The following VWF variants were observed in gnomAD, a reference collection of about 807,000 sequenced individuals.
The protein encoded by VWF is Factor VIII related antigen.
VWF carries 176 observed loss-of-function variants against 308.6 expected under a neutral mutation model. That is an observed-to-expected ratio of 0.57 (90% CI 0.50 to 0.65). The LOEUF (loss-of-function observed/expected upper bound fraction) is 0.65, where lower values mean the gene tolerates loss of function less well. VWF is among the 30% of genes least tolerant of loss of function. The pLI is 0.00. For missense variants in VWF, 3,146 were observed against 3,648.2 expected, an observed-to-expected ratio of 0.86 and a Z score of 3.55; for synonymous variants, 1,385 against 1,443.4, an observed-to-expected ratio of 0.96 and a Z score of 0.92.
At chr12:6,103,931 C>G (rs1945211983) in intron 5 of VWF, among the ~76,000 whole-genome samples, 1 of 152,090 alleles carries the variant, frequency 6.6e-6, no homozygotes, top group African/African-American at 2.4e-5. Context: ...CTTCATTAAA[C>G]TAAAAATCTT....
intron 34 of VWF, among the ~76,000 whole-genome samples, chr12:6,000,996 T>C (rs1943867330): frequency 6.6e-6 from 1 of 152,006 alleles, no homozygotes; most frequent in African/African-American, 2.4e-5. Flanking sequence ...GTAGAAATAA[T>C]AGAACTCGAC....
chr12:5,962,543 T>TTTC lies in VWF; in HGVS notation c.7887+4942_7887+4943insGAA, dbSNP rs1334102967. On this transcript the variant is annotated intron_variant, in intron 47 of 51. Transcript: ENST00000261405. ...CCATACATACACAGGCAATTCTTTT[T>TTTC]TTTTTTTTTTTTTTTTTTGAGACAG... 2.3e-5 allele frequency among the ~76,000 whole-genome samples: 3 copies of TTTC among 128,420 alleles called. No individual in the cohort carries two copies. The East Asian group carries it at 6.5e-4, about 28-fold the overall frequency. 84.2% of individuals were successfully genotyped at this position (128,420 alleles called of 152,430 possible).
Position 5,994,322 on chromosome 12 carries a change from T to C in VWF, c.6256+93A>G. 1.9e-6 allele frequency: 3 copies of C among 1,594,784 alleles called. No homozygotes were observed. The South Asian group carries it at 3.3e-5, about 18-fold the overall frequency. On this transcript the variant is annotated intron_variant, in intron 36 of 51. Transcript: ENST00000261405. ...GAATCTGACCCTCGCTACTAGACCC[T>C]GAAATATAAGCATCCAAGAGCCTCA...
intron 31 of VWF, among the ~76,000 whole-genome samples, chr12:6,015,083 C>T (rs778107538): frequency 2.6e-5 from 4 of 152,158 alleles, no homozygotes; most frequent in East Asian, 1.9e-4. Flanking sequence ...CTTGTAAGTT[C>T]GTTATATTAT....
At chr12:6,011,938 C>T (rs1944000173) in intron 33 of VWF, 144 bp from the exon 34 acceptor site, 1 of 1,263,026 alleles carries the variant, frequency 7.9e-7, no homozygotes, top group Non-Finnish European at 1.2e-6. Flanking sequence ...GGAAGCAAAA[C>T]ACAAGATGTA....
chr12:6,105,251 C>T (rs796159477), intron 5 of VWF, among the ~76,000 whole-genome samples: 1 of 152,120 alleles, frequency 6.6e-6, no homozygotes, highest in African/African-American at 2.4e-5. Context: ...TTTTTTGAGA[C>T]AGAGTCTCGC....
chr12:5,958,407 G>A (rs1472514467), intron 47 of VWF, among the ~76,000 whole-genome samples: 1 of 152,142 alleles, frequency 6.6e-6, no homozygotes, highest in East Asian at 1.9e-4. Context: ...ACCAAACAAG[G>A]CCAGTGAGGT....
In VWF at chr12:6,020,142, T is replaced by A. The variant is rs1300539180; in HGVS notation, c.3675-399A>T. Among the ~76,000 whole-genome samples the A allele has an allele frequency of 6.6e-6, 1 of 152,250 alleles. No homozygotes were observed. The highest frequency in any genetic ancestry group is 1.5e-5 in the Non-Finnish European group (1 of 68,050). ...TACAAGTGTCTCCAAGAACAAATGT[T>A]ACTAAAATGTAGACGCTAACCTGTG... On this transcript the variant is annotated intron_variant, in intron 27 of 51. Transcript: ENST00000261405. The surrounding 1 kb of genome is among the most constrained non-coding windows in gnomAD (Gnocchi z 4.3).
intron 5 of VWF, among the ~76,000 whole-genome samples, chr12:6,109,419 A>C (rs1490969037): frequency 6.6e-6 from 1 of 152,190 alleles, no homozygotes; most frequent in African/African-American, 2.4e-5. Flanking sequence ...CAGACAATAA[A>C]ATCAGTGCTG....
intron 40 of VWF, 147 bp from the exon 41 acceptor site, chr12:5,983,401 G>GGATAGATAGATA (rs58264371): frequency 0.48 from 231,335 of 477,046 alleles, 57,696 homozygotes; most frequent in Admixed American, 0.53. Flanking sequence ...ACATGGGTTA[G>GGATAGATAGATA]GATAGATAGA....
At chr12:6,037,811 G>A (rs1313395368) in intron 18 of VWF, among the ~76,000 whole-genome samples, 2 of 152,040 alleles carry the variant, frequency 1.3e-5, no homozygotes, top group Non-Finnish European at 2.9e-5. Flanking sequence ...CCCAGGCCTG[G>A]AGCTGGACAA....
intron 47 of VWF, among the ~76,000 whole-genome samples, chr12:5,962,584 C>T (rs940300086): frequency 2.3e-4 from 30 of 128,968 alleles, no homozygotes; most frequent in Non-Finnish European, 4.3e-4. Flanking sequence ...CGCTCTGTCA[C>T]CAGGCTGGAG....
At position 6,016,906 on chromosome 12, in the gene VWF, C is replaced by A. The variant is rs201063539; in HGVS notation, c.5054-36G>T. ...AACCAGGAAGGTGAGCACACAGGTG[C>A]CAGCAGGGACAATGGCCACCAGGCC... On this transcript the variant is annotated intron_variant, in intron 28 of 51. Coordinates refer to ENST00000261405, the MANE Select transcript of VWF (RefSeq NM_000552.5). The A allele has an allele frequency of 6.6e-5, 106 of 1,604,278 alleles. 1 individual carries two copies. The Admixed American group carries it at 7.2e-4, about 11-fold the overall frequency.
In VWF at chr12:5,969,361, G is replaced by T. The variant is rs758376829; in HGVS notation, c.7579C>A (p.Pro2527Thr). The change falls in exon 45 of 52, where the codon CCC becomes ACC. Residue 2527 changes from proline (P) to threonine (T), a missense_variant. Pro to Thr is a conservative substitution (Grantham distance 38). This residue lies in a region of VWF where 989 missense variants were observed against 1,117.4 expected (regional missense o/e 0.89). Transcript: ENST00000261405. ...VGSQWASPEN[P>T]CLINECVRVK... ...CGGACACACTCATTGATGAGGCAGG[G>T]GTTCTCCGGGGAGGCCCACTGGGAG... 6.2e-7 allele frequency: 1 copy of T among 1,614,238 alleles called. No individual in the cohort carries two copies. The highest frequency in any genetic ancestry group is 2.2e-5 in the East Asian group (1 of 44,878).
chr12:6,012,271 G>A, intron 32 of VWF, 141 bp from the exon 33 acceptor site: 1 of 921,122 alleles, frequency 1.1e-6, no homozygotes, highest in African/African-American at 1.6e-5. Flanking sequence ...GTTAACAGTG[G>A]AGACATAGGG....
intron 47 of VWF, among the ~76,000 whole-genome samples, chr12:5,964,694 G>A (rs1943378831): frequency 6.6e-6 from 1 of 152,222 alleles, no homozygotes; most frequent in South Asian, 2.1e-4. Flanking sequence ...ATCAAGCCAT[G>A]AACTTGGCGT....
In VWF at chr12:5,964,172, T is replaced by A. The variant is rs544221739; in HGVS notation, c.7887+3314A>T. ...GCGGGGCTTGCAGTGAGCCGAGATC[T>A]CACCACTGCACTCCAGCCTGGGCGA... is the stretch of plus-strand genomic sequence containing the variant. On this transcript the variant is annotated intron_variant, in intron 47 of 51. Transcript: ENST00000261405. Among the ~76,000 whole-genome samples, 3 of 138,926 alleles carry A rather than the reference T, an allele frequency of 2.2e-5. No individual in the cohort carries two copies. In the South Asian group the frequency reaches 6.9e-4, roughly 32 times the overall value. The allele number at this position is 138,926 out of a possible 152,430, so 91.1% of individuals were successfully genotyped here. A position where few individuals can be genotyped will look rare whatever the true frequency, so the allele number is the denominator to read the frequency against.
At chr12:6,023,962 T>C (rs949519897) in intron 24 of VWF, among the ~76,000 whole-genome samples, 175 bp from the exon 25 acceptor site, 2 of 152,180 alleles carry the variant, frequency 1.3e-5, no homozygotes, top group Non-Finnish European at 2.9e-5. Flanking sequence ...AGATTCTTAG[T>C]TTCTAATCTG....
chr12:6,037,978 G>A (rs1451482245), intron 18 of VWF, among the ~76,000 whole-genome samples: 1 of 152,208 alleles, frequency 6.6e-6, no homozygotes, highest in East Asian at 1.9e-4. Context: ...CTCAGGAGGT[G>A]TTCCCGCATC....
Sources: allele counts gnomAD v4.1 joint callset (sites outside exome capture counted in the v4.1 genomes callset), GRCh38; gene constraint gnomAD v4.1.1; regional missense constraint gnomAD v4.1.1; non-coding constraint Gnocchi (gnomAD v3.1); transcripts MANE v1.5; gene names NCBI Gene and HGNC (gene_info 2026-07-23, HGNC 2026-07-21).